Variants in ADARB2 observed in about 807,000 individuals in gnomAD.
ADARB2 encodes the protein inactive double-stranded RNA-specific editase B2.
ADARB2 carries 25 observed loss-of-function variants against 62.2 expected under a neutral mutation model. That is an observed-to-expected ratio of 0.40 (90% CI 0.29 to 0.56). ADARB2 has a LOEUF of 0.56. Ranked by LOEUF, ADARB2 falls within the 20% of genes least tolerant of loss-of-function variation. ADARB2 has a pLI of 0.43. For synonymous variants in ADARB2, 572 were observed against 500.8 expected (o/e 1.14, Z -1.90); for missense variants, 1,071 against 1,077.4 (o/e 0.99, Z 0.08).
At chr10:1,232,980 C>T (rs1021528099) in intron 6 of ADARB2, among the ~76,000 whole-genome samples, 1 of 151,956 alleles carries the variant, frequency 6.6e-6, no homozygotes, top group Admixed American at 6.6e-5. Context: ...ATGCAGATAG[C>T]ACTAAGCAAT....
chr10:1,260,853 T>C (rs1831129511), intron 4 of ADARB2, among the ~76,000 whole-genome samples: 1 of 147,792 alleles, frequency 6.8e-6, no homozygotes, highest in African/African-American at 2.5e-5. Flanking sequence ...AAGTCAATCC[T>C]AAGCCAAAAG....
intron 1 of ADARB2, among the ~76,000 whole-genome samples, chr10:1,587,908 A>T (rs1833200478): frequency 6.6e-6 from 1 of 152,082 alleles, no homozygotes; most frequent in Non-Finnish European, 1.5e-5. Context: ...CCGCCATGTA[A>T]GATGTGCCTT....
chr10:1,453,476 T>G (rs1358459222), intron 1 of ADARB2, among the ~76,000 whole-genome samples: 1 of 152,228 alleles, frequency 6.6e-6, no homozygotes, highest in Non-Finnish European at 1.5e-5. Context: ...TTCCTTTGGA[T>G]GTGAATATCC....
intron 1 of ADARB2, among the ~76,000 whole-genome samples, chr10:1,703,288 T>C (rs1834846723): frequency 6.6e-6 from 1 of 151,964 alleles, no homozygotes. Flanking sequence ...AGGGAACACC[T>C]GATGAGGAGG....
chr10:1,410,471 A>G (rs1017557355), intron 1 of ADARB2, among the ~76,000 whole-genome samples: 1 of 152,216 alleles, frequency 6.6e-6, no homozygotes, highest in African/African-American at 2.4e-5. Context: ...AGAGCAAAAT[A>G]ACAAAACAAG....
intron 1 of ADARB2, among the ~76,000 whole-genome samples, chr10:1,705,614 A>G (rs1264290227): frequency 6.6e-6 from 1 of 152,208 alleles, no homozygotes; most frequent in African/African-American, 2.4e-5. Flanking sequence ...TTCAGACATA[A>G]CTGTCCTGAA....
intron 1 of ADARB2, among the ~76,000 whole-genome samples, chr10:1,697,683 C>A (rs913493109): frequency 6.6e-6 from 1 of 152,218 alleles, no homozygotes; most frequent in African/African-American, 2.4e-5. Flanking sequence ...GCTCCCTCTG[C>A]ATGCTCCCAG....
In ADARB2 at chr10:1,575,333, A is replaced by ATTAAAAAGGTG. The variant is rs1287727208; in HGVS notation, c.100+161717_100+161718insCACCTTTTTAA. On this transcript the variant is annotated intron_variant, in intron 1 of 9. Coordinates refer to ENST00000381312, the MANE Select transcript of ADARB2 (RefSeq NM_018702.4). ...AGTCTGCTCAGCTCATTAAAAAGGTAGTGGCTGGATTCTGTAGTCTCAGTG... is the reference window on the plus strand; with the variant it reads ...AGTCTGCTCAGCTCATTAAAAAGGTATTAAAAAGGTGGTGGCTGGATTCTGTAGTCTCAGTG... Among the ~76,000 whole-genome samples the ATTAAAAAGGTG allele has an allele frequency of 5.1e-3, 770 of 152,340 alleles. 3 individuals carry two copies. The highest frequency in any genetic ancestry group is 0.018 in the African/African-American group (740 of 41,570).
intron 7 of ADARB2, among the ~76,000 whole-genome samples, chr10:1,212,935 G>A (rs763400868): frequency 5.3e-5 from 8 of 152,144 alleles, no homozygotes; most frequent in Non-Finnish European, 2.9e-5. Context: ...GAACTCAGAC[G>A]CAGAAGCAGA....
chr10:1,200,401 G>C (rs1325355618), intron 7 of ADARB2: 7 of 549,254 alleles, frequency 1.3e-5, no homozygotes, highest in East Asian at 1.2e-4. Flanking sequence ...TGAGTCGTTA[G>C]AGTGGAAACT....
At chr10:1,698,084 C>A (rs2892394) in intron 1 of ADARB2, among the ~76,000 whole-genome samples, 113,869 of 151,384 alleles carry the variant, frequency 0.75, 43,564 homozygotes, top group East Asian at 0.97. Flanking sequence ...AACATCTCTA[C>A]CTCTCCCACT....
rs1335577432 is a variant in ADARB2 at position 1,460,524 on chromosome 10, C to T, written c.101-81364G>A. Among the ~76,000 whole-genome samples, 8 of 83,312 alleles carry T rather than the reference C, an allele frequency of 9.6e-5. 2 individuals carry two copies. The highest frequency in any genetic ancestry group is 3.4e-4 in the Admixed American group (3 of 8,720). 54.7% of individuals were successfully genotyped at this position (83,312 alleles called of 152,430 possible). A position where few individuals can be genotyped will look rare whatever the true frequency, so the allele number is the denominator to read the frequency against. ...CTGTGACCTGAGTTTACCTGCGTAA[C>T]GAACCTGCCTGTGACCTGAGTTTAC... On this transcript the variant is annotated intron_variant, in intron 1 of 9. Transcript: ENST00000381312.
intron 1 of ADARB2, among the ~76,000 whole-genome samples, chr10:1,638,346 A>G (rs1224928716): frequency 2.0e-5 from 3 of 152,228 alleles, no homozygotes; most frequent in Non-Finnish European, 4.4e-5. Flanking sequence ...CTAAAAGTAC[A>G]TATATTTGAC....
At chr10:1,573,493 G>T (rs781531425) in intron 1 of ADARB2, among the ~76,000 whole-genome samples, 1 of 152,134 alleles carries the variant, frequency 6.6e-6, no homozygotes, top group African/African-American at 2.4e-5. Flanking sequence ...GAGCCAGGCC[G>T]GTGCCTCCAA....
intron 1 of ADARB2, among the ~76,000 whole-genome samples, chr10:1,386,022 G>T (rs934243613): frequency 2.6e-5 from 4 of 151,976 alleles, no homozygotes; most frequent in African/African-American, 9.7e-5. Context: ...TGTATATTTA[G>T]AAAATATATA....
chr10:1,291,637 A>G (rs1332301472), intron 3 of ADARB2: 1 of 152,278 alleles, frequency 6.6e-6, no homozygotes, highest in African/African-American at 2.4e-5. Flanking sequence ...CAGAGCTCCA[A>G]GAAAATCCTG....
chr10:1,626,761 G>GCCACGCACAAAT, intron 1 of ADARB2, among the ~76,000 whole-genome samples: 1 of 152,192 alleles, frequency 6.6e-6, no homozygotes, highest in Non-Finnish European at 1.5e-5. Flanking sequence ...CACGCACAAA[G>GCCACGCACAAAT]CAACCCGCAC....
rs146356875 is a variant in ADARB2, at chr10:1,463,433, G to A, written c.101-84273C>T. On this transcript the variant is annotated intron_variant, in intron 1 of 9. Coordinates refer to ENST00000381312, the MANE Select transcript of ADARB2 (RefSeq NM_018702.4). ...GGTCCATGATGCAGATGCAGACACG[G>A]GTAGAAGAGGCAGCAGGTTTGATGC... is the stretch of plus-strand genomic sequence containing the variant. Among the ~76,000 whole-genome samples the A allele has an allele frequency of 9.2e-5, 14 of 152,292 alleles. No homozygotes were observed. The East Asian group carries it at 2.7e-3, about 29-fold the overall frequency.
At chr10:1,494,750 G>A (rs896402172) in intron 1 of ADARB2, among the ~76,000 whole-genome samples, 6 of 152,136 alleles carry the variant, frequency 3.9e-5, no homozygotes, top group Admixed American at 2.0e-4. Context: ...AAATTCAGGT[G>A]GAGCCAAGGG....
Sources: allele counts gnomAD v4.1 joint callset (sites outside exome capture counted in the v4.1 genomes callset), GRCh38; gene constraint gnomAD v4.1.1; transcripts MANE v1.5; gene names NCBI Gene and HGNC (gene_info 2026-07-23, HGNC 2026-07-21).